The following KIF13A variants were observed in gnomAD, a reference collection of about 807,000 sequenced individuals.
KIF13A encodes the protein kinesin-like protein KIF13A.
KIF13A carries 79 observed loss-of-function variants against 212.2 expected under a neutral mutation model. The observed-to-expected ratio is 0.37, with a 90% CI of 0.31 to 0.45. The LOEUF (loss-of-function observed/expected upper bound fraction) is 0.45. Among genes scored for constraint, KIF13A ranks in the 20% least tolerant of loss-of-function variants. KIF13A has a pLI of 1.00. For missense variants in KIF13A, 1,901 were observed against 2,209.0 expected, an observed-to-expected ratio of 0.86 and a Z score of 2.79; for synonymous variants, 789 against 808.6, an observed-to-expected ratio of 0.98 and a Z score of 0.41.
intron 20 of KIF13A, 114 bp downstream of exon 20, chr6:17,804,247 T>C (rs2150338261): frequency 1.1e-6 from 1 of 879,196 alleles, no homozygotes; most frequent in South Asian, 2.6e-5. Flanking sequence ...CTTGACTATT[T>C]GCCTTAGTTT....
chr6:17,775,122 T>A, intron 34 of KIF13A, 60 bp from the exon 35 acceptor site: 1 of 1,354,044 alleles, frequency 7.4e-7, no homozygotes, highest in South Asian at 1.3e-5. Flanking sequence ...GGGGTTTTTT[T>A]TATATAAAGA....
At chr6:17,960,257 ATTCT>A (rs1561807547) in intron 2 of KIF13A, among the ~76,000 whole-genome samples, 1 of 152,204 alleles carries the variant, frequency 6.6e-6, no homozygotes, top group Non-Finnish European at 1.5e-5. Flanking sequence ...AAAAGTAAAC[ATTCT>A]TTGAGAGTAG....
Position 17,951,452 on chromosome 6 carries a change from A to C in KIF13A, c.146+35602T>G. On this transcript the variant is annotated intron_variant, in intron 2 of 38. Transcript: ENST00000259711. The surrounding 1 kb of genome is among the most constrained non-coding windows in gnomAD (Gnocchi z 4.9). ...AGCCTCAATTTAAAAAAAAAAAAAA[A>C]ACAGCTTTAAGATATAATTTATATA... 1.8e-6 allele frequency: 1 copy of C among 566,666 alleles called. No homozygotes were observed. Among genetic ancestry groups the C allele is most frequent in the South Asian group, 2.3e-5 (1 of 44,242 alleles). 35.1% of individuals were successfully genotyped at this position (566,666 alleles called of 1,614,324 possible).
rs1441977564 is a variant in KIF13A at position 17,947,628 on chromosome 6, A to AGACCAGCC, written c.146+39418_146+39425dup. Among the ~76,000 whole-genome samples, 1 of 152,148 alleles carries AGACCAGCC rather than the reference A, an allele frequency of 6.6e-6. No homozygotes were observed. The highest frequency in any genetic ancestry group is 1.5e-5 in the Non-Finnish European group (1 of 68,028). On this transcript the variant is annotated intron_variant, in intron 2 of 38. Transcript: ENST00000259711. This position sits in a 1 kb window ranked among gnomAD's most constrained non-coding sequence, Gnocchi z 4.6. ...TGGATCACCTGAGGTCAGGAGTTTG[A>AGACCAGCC]GACCAGCCGACCAGCCTGGGCAACA... is the stretch of plus-strand genomic sequence containing the variant.
intron 9 of KIF13A, among the ~76,000 whole-genome samples, chr6:17,845,532 G>C (rs1766939556): frequency 6.6e-6 from 1 of 152,208 alleles, no homozygotes; most frequent in Non-Finnish European, 1.5e-5. Flanking sequence ...ATACCCATTA[G>C]ATAAACATTG....
rs1368278310 is a variant in KIF13A, at chr6:17,839,984, C to T, written c.831-2401G>A. On this transcript the variant is annotated intron_variant, in intron 9 of 38. Transcript: ENST00000259711. This position sits in a 1 kb window ranked among gnomAD's most constrained non-coding sequence, Gnocchi z 4.3. ...AATCTGTTACAGTAGCAATAGCAAT[C>T]GAACACAGCCATATACTGTATGATT... Among the ~76,000 whole-genome samples the T allele has an allele frequency of 6.6e-6, 1 of 152,134 alleles. No homozygotes were observed. Among genetic ancestry groups the T allele is most frequent in the Non-Finnish European group, 1.5e-5 (1 of 68,028 alleles).
chr6:17,960,286 G>A (rs999721893), intron 2 of KIF13A, among the ~76,000 whole-genome samples: 3 of 152,082 alleles, frequency 2.0e-5, no homozygotes, highest in Non-Finnish European at 2.9e-5. Flanking sequence ...AAGAGAGCGA[G>A]TATAAAAAAT....
chr6:17,860,334 G>C (rs1285983978), intron 4 of KIF13A, among the ~76,000 whole-genome samples: 1 of 151,826 alleles, frequency 6.6e-6, no homozygotes, highest in African/African-American at 2.4e-5. Flanking sequence ...GATTATAGGG[G>C]CCCACCACCA....
chr6:17,976,290 G>T (rs1306293137), intron 2 of KIF13A, among the ~76,000 whole-genome samples: 1 of 152,206 alleles, frequency 6.6e-6, no homozygotes, highest in Non-Finnish European at 1.5e-5. Context: ...GAGCGGGTGG[G>T]AGGCTCAGGC....
At chr6:17,930,562 A>C (rs900748710) in intron 2 of KIF13A, among the ~76,000 whole-genome samples, 1 of 152,222 alleles carries the variant, frequency 6.6e-6, no homozygotes, top group African/African-American at 2.4e-5. Context: ...AGTTCATACA[A>C]AGGCTGAGTG....
intron 20 of KIF13A, among the ~76,000 whole-genome samples, chr6:17,802,944 T>G (rs1168183208): frequency 1.3e-5 from 2 of 150,744 alleles, no homozygotes; most frequent in Non-Finnish European, 3.0e-5. Flanking sequence ...TTTTTTTTGT[T>G]TTGTTTTGAG....
chr6:17,978,309 AAACT>A (rs1227621331), intron 2 of KIF13A, among the ~76,000 whole-genome samples: 2 of 152,242 alleles, frequency 1.3e-5, no homozygotes, highest in Non-Finnish European at 2.9e-5. Context: ...AACACCAAAT[AAACT>A]AATTTCCAAG....
intron 4 of KIF13A, among the ~76,000 whole-genome samples, chr6:17,859,671 T>C (rs1260376206): frequency 1.4e-5 from 2 of 146,806 alleles, no homozygotes; most frequent in Non-Finnish European, 3.0e-5. Flanking sequence ...AGTCTTGCCC[T>C]GTCACCCAGG....
intron 2 of KIF13A, among the ~76,000 whole-genome samples, chr6:17,922,458 A>G (rs1287893672): frequency 6.6e-6 from 1 of 152,236 alleles, no homozygotes; most frequent in African/African-American, 2.4e-5. Context: ...AGTTTCACAC[A>G]TCAATGTGGA....
At chr6:17,931,275 C>T (rs1176221343) in intron 2 of KIF13A, among the ~76,000 whole-genome samples, 1 of 152,146 alleles carries the variant, frequency 6.6e-6, no homozygotes, top group Non-Finnish European at 1.5e-5. Context: ...ACTGTTCTTT[C>T]AGATTTTGAT....
chr6:17,950,257 CTG>C, intron 2 of KIF13A: 2 of 286,408 alleles, frequency 7.0e-6, no homozygotes, highest in Non-Finnish European at 1.0e-5. Flanking sequence ...TTACAAATCT[CTG>C]CTTCCTCATA....
chr6:17,846,405 T>A lies in KIF13A; in HGVS notation c.830+2972A>T, dbSNP rs527453627. The stretch of plus-strand genomic sequence containing the variant: ...TGCTCTGAAAAGTATAAAGAACTCT[T>A]AAAAAGGAAGATCATATCTCATAAA... On this transcript the variant is annotated intron_variant, in intron 9 of 38. Coordinates refer to ENST00000259711, the MANE Select transcript of KIF13A (RefSeq NM_022113.6). Among the ~76,000 whole-genome samples the A allele has an allele frequency of 1.4e-3, 219 of 152,082 alleles. 1 individual carries two copies. The highest frequency in any genetic ancestry group is 5.1e-3 in the African/African-American group (212 of 41,512).
intron 31 of KIF13A, among the ~76,000 whole-genome samples, 180 bp from the exon 32 acceptor site, chr6:17,779,864 C>T (rs1015336011): frequency 8.6e-5 from 13 of 151,722 alleles, no homozygotes; most frequent in Non-Finnish European, 1.3e-4. Context: ...CCTCAGCCTC[C>T]CGAGTAGCTG....
chr6:17,919,870 C>T lies in KIF13A; in HGVS notation c.147-21690G>A, dbSNP rs184901001. On this transcript the variant is annotated intron_variant, in intron 2 of 38. Transcript: ENST00000259711. The surrounding 1 kb of genome is among the most constrained non-coding windows in gnomAD (Gnocchi z 4.1). ...ACGACAGTGAAGAAATACAGCAAAACAGTGCAGGACCAGTGTTTGAAGGAA... is the reference window on the plus strand; with the variant it reads ...ACGACAGTGAAGAAATACAGCAAAATAGTGCAGGACCAGTGTTTGAAGGAA... 6.6e-6 allele frequency among the ~76,000 whole-genome samples: 1 copy of T among 152,314 alleles called. No individual in the cohort carries two copies. Among genetic ancestry groups the T allele is most frequent in the East Asian group, 1.9e-4 (1 of 5,190 alleles).
Sources: allele counts gnomAD v4.1 joint callset (sites outside exome capture counted in the v4.1 genomes callset), GRCh38; gene constraint gnomAD v4.1.1; non-coding constraint Gnocchi (gnomAD v3.1); transcripts MANE v1.5; gene names NCBI Gene and HGNC (gene_info 2026-07-23, HGNC 2026-07-21).